Variants in CD53 observed in about 807,000 individuals in gnomAD.
CD53 encodes the protein leukocyte surface antigen CD53.
In CD53, 20 loss-of-function variants were observed where a neutral mutation model predicts 27.3. That is an observed-to-expected ratio of 0.73 (90% CI 0.52 to 1.07). The LOEUF (loss-of-function observed/expected upper bound fraction) is 1.07. CD53 is among the 50% of genes least tolerant of loss of function. CD53 has a pLI of 0.00. For synonymous variants in CD53, 106 were observed against 105.3 expected, an observed-to-expected ratio of 1.01 and a Z score of -0.04; for missense variants, 216 against 264.0, an observed-to-expected ratio of 0.82 and a Z score of 1.26.
chr1:110,879,387 GA>G (rs1334839646), intron 1 of CD53, among the ~76,000 whole-genome samples: 12 of 152,290 alleles, frequency 7.9e-5, no homozygotes, highest in African/African-American at 2.9e-4. Context: ...TTCAAAACTA[GA>G]CCTGTCTGAT....
intron 1 of CD53, among the ~76,000 whole-genome samples, chr1:110,882,133 T>G (rs1656379148): frequency 6.6e-6 from 1 of 152,162 alleles, no homozygotes; most frequent in South Asian, 2.1e-4. Flanking sequence ...AAGTCCAATT[T>G]ATCAACTTAT....
chr1:110,881,235 C>T (rs569870463), intron 1 of CD53, among the ~76,000 whole-genome samples: 48 of 152,220 alleles, frequency 3.2e-4, no homozygotes, highest in African/African-American at 1.1e-3. Context: ...CTTCCCTGCT[C>T]CCTCTCTACT....
intron 6 of CD53, 63 bp from the exon 7 acceptor site, chr1:110,897,746 A>G: frequency 1.0e-6 from 1 of 1,002,852 alleles, no homozygotes; most frequent in East Asian, 2.4e-5. Context: ...TATCTTCCAA[A>G]TACTTCCTCT....
rs1037768948 is a variant in CD53, at chr1:110,894,971, T to C, written c.339T>C (p.Tyr113=). 2 of 1,613,828 alleles carry C rather than the reference T, an allele frequency of 1.2e-6. No homozygotes were observed. The highest frequency in any genetic ancestry group is 1.7e-6 in the Non-Finnish European group (2 of 1,179,746). The change falls in exon 5 of 8, where the codon TAT becomes TAC. Residue 113 remains tyrosine, a synonymous_variant. Coordinates refer to ENST00000271324, the MANE Select transcript of CD53 (RefSeq NM_000560.4). ...LFVYEQKLNE[Y]VAKGLTDSIH... ...ATGTGCCTGCCCAGCTGAATGAGTA[T>C]GTGGCTAAGGGTCTGACCGACAGCA...
At chr1:110,880,125 G>C (rs1236451390) in intron 1 of CD53, 2 of 152,150 alleles carry the variant, frequency 1.3e-5, no homozygotes, top group Admixed American at 1.3e-4. Context: ...AACTGATATT[G>C]GTGGCTTTTT....
chr1:110,888,060 G>A (rs1380477833), intron 1 of CD53, among the ~76,000 whole-genome samples: 1 of 152,186 alleles, frequency 6.6e-6, no homozygotes, highest in Non-Finnish European at 1.5e-5. Context: ...GAAGTTGCAC[G>A]ATGCAAGAAA....
rs553686731 is a variant in CD53 at position 110,882,696 on chromosome 1, C to T, written c.-17-8696C>T. ...AAATATTGAATTCCTGGTAGATGGACGTGGTATATCTCTCCATTATTTGCA... is the reference window on the plus strand; with the variant it reads ...AAATATTGAATTCCTGGTAGATGGATGTGGTATATCTCTCCATTATTTGCA... On this transcript the variant is annotated intron_variant, in intron 1 of 7. Coordinates refer to ENST00000271324, the MANE Select transcript of CD53 (RefSeq NM_000560.4). Among the ~76,000 whole-genome samples the T allele has an allele frequency of 1.4e-4, 21 of 151,998 alleles. No homozygotes were observed. The South Asian group carries it at 2.5e-3, about 18-fold the overall frequency.
intron 4 of CD53, 84 bp from the exon 5 acceptor site, chr1:110,894,876 C>T (rs1432203614): frequency 2.3e-5 from 24 of 1,031,324 alleles, no homozygotes; most frequent in South Asian, 1.2e-4. Flanking sequence ...GCAAGTGGAA[C>T]CACTAACCTA....
chr1:110,893,597 T>C (rs534288898), intron 3 of CD53, among the ~76,000 whole-genome samples: 2 of 152,270 alleles, frequency 1.3e-5, no homozygotes, highest in East Asian at 3.9e-4. Context: ...GTTGGGATTA[T>C]AGGCGTAAGC....
chr1:110,878,361 G>C (rs1656207996), intron 1 of CD53, among the ~76,000 whole-genome samples: 1 of 152,182 alleles, frequency 6.6e-6, no homozygotes, highest in African/African-American at 2.4e-5. Context: ...CACAGGCTCT[G>C]TGTAGGAAGG....
chr1:110,894,277 G>T (rs763098678), intron 3 of CD53, 50 bp from the exon 4 acceptor site: 3 of 1,527,534 alleles, frequency 2.0e-6, no homozygotes, highest in Admixed American at 3.3e-5. Flanking sequence ...GAGTGGGAGT[G>T]GGACGAGAAT....
upstream of CD53, among the ~76,000 whole-genome samples, chr1:110,872,675 G>A (rs1023197880): frequency 3.3e-5 from 5 of 152,188 alleles, no homozygotes; most frequent in African/African-American, 1.2e-4. Context: ...CCAGACAGAG[G>A]GAGTATGAGG....
intron 7 of CD53, among the ~76,000 whole-genome samples, chr1:110,898,204 C>T (rs980518556): frequency 3.3e-5 from 5 of 151,924 alleles, no homozygotes; most frequent in South Asian, 2.1e-4. Context: ...GGTGAAACCC[C>T]GTCTCTACTA....
intron 2 of CD53, 39 bp from the exon 3 acceptor site, chr1:110,892,306 A>T: frequency 6.6e-7 from 1 of 1,519,216 alleles, no homozygotes; most frequent in Non-Finnish European, 9.1e-7. Context: ...CCCAAGAACC[A>T]CATTTTGCTT....
At chr1:110,894,863 A>C in intron 4 of CD53, 97 bp from the exon 5 acceptor site, 2 of 849,044 alleles carry the variant, frequency 2.4e-6, no homozygotes, top group Non-Finnish European at 4.0e-6. Flanking sequence ...TTGGAAGGGA[A>C]GCGCAAGTGG....
intron 4 of CD53, 37 bp from the exon 5 acceptor site, chr1:110,894,923 T>C (rs1656998903): frequency 6.5e-7 from 1 of 1,528,892 alleles, no homozygotes; most frequent in Admixed American, 1.7e-5. Flanking sequence ...TCACCTGCTT[T>C]TTACCATGTC....
At chr1:110,872,486 T>G (rs1428764157), upstream of CD53, among the ~76,000 whole-genome samples, 1 of 152,244 alleles carries the variant, frequency 6.6e-6, no homozygotes, top group African/African-American at 2.4e-5. Flanking sequence ...CTAAAAGAGA[T>G]AAAGCTGGAA....
At chr1:110,876,621 T>G (rs567409748) in intron 1 of CD53, among the ~76,000 whole-genome samples, 12 of 152,210 alleles carry the variant, frequency 7.9e-5, no homozygotes, top group South Asian at 4.1e-4. Flanking sequence ...TTACCTTATA[T>G]CAGGAGCAAA....
chr1:110,879,168 G>C (rs1288890737), intron 1 of CD53, among the ~76,000 whole-genome samples: 1 of 152,128 alleles, frequency 6.6e-6, no homozygotes, highest in East Asian at 1.9e-4. Flanking sequence ...GGAATGGACT[G>C]GTAGGTAAGG....
Sources: gnomAD v4.1 joint callset for allele counts (sites outside exome capture counted in the v4.1 genomes callset) on GRCh38, gnomAD v4.1.1 for gene constraint, MANE v1.5 for transcripts, NCBI Gene and HGNC (gene_info 2026-07-23, HGNC 2026-07-21) for gene names.